KCTD16: variants seen among roughly 807,000 people sequenced by gnomAD.
KCTD16 encodes the protein potassium channel tetramerization domain containing 16, also known as BTB/POZ domain-containing protein KCTD16.
A neutral mutation model predicts 33.2 loss-of-function variants in KCTD16; 13 were observed. The ratio of observed to expected loss-of-function variants is 0.39; its 90% CI spans 0.25 to 0.62. The LOEUF (loss-of-function observed/expected upper bound fraction) is 0.62. Among genes scored for constraint, KCTD16 ranks in the 20% least tolerant of loss-of-function variants. The pLI, the probability that KCTD16 is intolerant of heterozygous loss-of-function variation, is 0.50. For missense variants in KCTD16, 441 were observed against 525.1 expected, an observed-to-expected ratio of 0.84 and a Z score of 1.57; for synonymous variants, 197 against 195.3, an observed-to-expected ratio of 1.01 and a Z score of -0.07.
chr5:144,192,314 A>T lies in KCTD16; in HGVS notation c.-326-14075A>T, dbSNP rs894586516. ...TTGATGATCTTGACATGAATTTTTG[A>T]TTTCTAAGAAATGCTTACTTAAGGC... On this transcript the variant is annotated intron_variant, in intron 2 of 3. Transcript: ENST00000512467. Among the ~76,000 whole-genome samples the T allele has an allele frequency of 8.5e-5, 13 of 152,142 alleles. No homozygotes were observed. In the East Asian group the frequency reaches 9.6e-4, roughly 11 times the overall value.
chr5:144,360,423 C>T (rs556338564), intron 3 of KCTD16, among the ~76,000 whole-genome samples: 7 of 151,600 alleles, frequency 4.6e-5, no homozygotes, highest in African/African-American at 1.7e-4. Flanking sequence ...CTGCAAAAGA[C>T]ATGAATTCAT....
intron 3 of KCTD16, among the ~76,000 whole-genome samples, chr5:144,399,499 C>T (rs549380267): frequency 2.6e-5 from 4 of 151,746 alleles, no homozygotes; most frequent in East Asian, 3.9e-4. Flanking sequence ...TTTTTTTGGC[C>T]GCCATATGAA....
At chr5:144,213,847 C>T (rs1459504391) in intron 3 of KCTD16, among the ~76,000 whole-genome samples, 4 of 152,090 alleles carry the variant, frequency 2.6e-5, no homozygotes, top group Non-Finnish European at 4.4e-5. Flanking sequence ...ATTTTCTCTC[C>T]AGTCATTCAA....
chr5:144,405,177 T>C (rs568948974), intron 3 of KCTD16, among the ~76,000 whole-genome samples: 9 of 152,348 alleles, frequency 5.9e-5, no homozygotes, highest in Middle Eastern at 3.4e-3. Flanking sequence ...AAGGCTAAGC[T>C]TTAAATCATC....
intron 3 of KCTD16, among the ~76,000 whole-genome samples, chr5:144,344,842 A>G (rs1214809227): frequency 6.6e-6 from 1 of 150,770 alleles, no homozygotes; most frequent in African/African-American, 2.4e-5. Flanking sequence ...TGACCCAGCC[A>G]TCCCATTTCT....
At position 144,475,986 on chromosome 5, in the gene KCTD16, A is replaced by G. The variant is rs559868139; in HGVS notation, c.*1872A>G. 1.2e-3 allele frequency: 183 copies of G among 152,366 alleles called. 1 individual carries two copies. Among genetic ancestry groups the G allele is most frequent in the African/African-American group, 3.7e-3 (153 of 41,594 alleles). 9.4% of individuals were successfully genotyped at this position (152,366 alleles called of 1,614,324 possible). ...TGGGAGTTGAGTTGTCAAGAGAATTATAATTTATGAATTTAAGTGGTATTC... is the reference window on the plus strand; with the variant it reads ...TGGGAGTTGAGTTGTCAAGAGAATTGTAATTTATGAATTTAAGTGGTATTC... On this transcript the variant is annotated 3_prime_UTR_variant, in exon 4 of 4. Transcript: ENST00000512467.
At chr5:144,344,236 T>G (rs991271167) in intron 3 of KCTD16, among the ~76,000 whole-genome samples, 5 of 152,124 alleles carry the variant, frequency 3.3e-5, no homozygotes, top group African/African-American at 7.2e-5. Flanking sequence ...TTAAACGTTA[T>G]ACCTAAAACC....
intron 2 of KCTD16, among the ~76,000 whole-genome samples, chr5:144,195,869 C>G (rs912235045): frequency 1.3e-5 from 2 of 152,142 alleles, no homozygotes; most frequent in Non-Finnish European, 2.9e-5. Flanking sequence ...CAAAAAATGA[C>G]TTTGCTTTTG....
chr5:144,452,165 T>TATATATATATA (rs1561613198), intron 3 of KCTD16, among the ~76,000 whole-genome samples: 1 of 148,272 alleles, frequency 6.7e-6, no homozygotes, highest in African/African-American at 2.5e-5. Flanking sequence ...TATATATATA[T>TATATATATATA]TCCTGTCACT....
At chr5:144,268,885 A>C (rs575591622) in intron 3 of KCTD16, among the ~76,000 whole-genome samples, 33 of 152,296 alleles carry the variant, frequency 2.2e-4, no homozygotes, top group Non-Finnish European at 2.8e-4. Context: ...AATATCAATA[A>C]AGATAAGACT....
intron 3 of KCTD16, among the ~76,000 whole-genome samples, chr5:144,441,612 A>C (rs1256181334): frequency 4.6e-5 from 7 of 152,092 alleles, no homozygotes; most frequent in Non-Finnish European, 8.8e-5. Flanking sequence ...TAGTAATCGT[A>C]CTGAGAATCA....
At chr5:144,414,166 G>A (rs764490486) in intron 3 of KCTD16, among the ~76,000 whole-genome samples, 1 of 152,084 alleles carries the variant, frequency 6.6e-6, no homozygotes, top group African/African-American at 2.4e-5. Context: ...AATTTTCAAG[G>A]TGTCAGTGGA....
At chr5:144,190,174 A>T (rs143127497) in intron 2 of KCTD16, among the ~76,000 whole-genome samples, 1 of 152,088 alleles carries the variant, frequency 6.6e-6, no homozygotes, top group Admixed American at 6.6e-5. Context: ...ACTGCACTGG[A>T]TTTATTTGTT....
chr5:144,385,293 T>TAA (rs1554091482), intron 3 of KCTD16: 4 of 152,236 alleles, frequency 2.6e-5, no homozygotes, highest in Non-Finnish European at 5.9e-5. Context: ...CATTGTTGCA[T>TAA]AATGTCCACA....
intron 3 of KCTD16, among the ~76,000 whole-genome samples, chr5:144,426,153 C>T (rs571887802): frequency 4.1e-4 from 62 of 152,270 alleles, no homozygotes; most frequent in African/African-American, 1.3e-3. Context: ...TTCTGTCAGA[C>T]GTCCTAGTTT....
At chr5:144,271,909 T>C (rs1007310325) in intron 3 of KCTD16, among the ~76,000 whole-genome samples, 2 of 152,048 alleles carry the variant, frequency 1.3e-5, no homozygotes, top group Non-Finnish European at 2.9e-5. Context: ...AGCAATTTCA[T>C]TTATAATAGC....
chr5:144,339,533 C>T (rs183541615), intron 3 of KCTD16, among the ~76,000 whole-genome samples: 156 of 152,270 alleles, frequency 1.0e-3, no homozygotes, highest in Middle Eastern at 3.4e-3. Context: ...AAGTGCTCTG[C>T]TAAGTGATTT....
intron 2 of KCTD16, among the ~76,000 whole-genome samples, chr5:144,194,177 G>T (rs1007261217): frequency 6.6e-6 from 1 of 152,074 alleles, no homozygotes; most frequent in Non-Finnish European, 1.5e-5. Flanking sequence ...TTAAAAATGT[G>T]CAGACTTTCA....
chr5:144,227,664 A>C (rs1048959837), intron 3 of KCTD16, among the ~76,000 whole-genome samples: 1 of 152,220 alleles, frequency 6.6e-6, no homozygotes, highest in African/African-American at 2.4e-5. Flanking sequence ...GAACAGACTG[A>C]TGAAACCAAG....
Sources: gnomAD v4.1 joint callset for allele counts (sites outside exome capture counted in the v4.1 genomes callset) on GRCh38, gnomAD v4.1.1 for gene constraint, MANE v1.5 for transcripts, NCBI Gene and HGNC (gene_info 2026-07-23, HGNC 2026-07-21) for gene names.